Variants in RBM33 observed in about 807,000 individuals in gnomAD.
RBM33 encodes the protein RNA binding motif protein 33, also known as RNA-binding protein 33.
A neutral mutation model predicts 132.6 loss-of-function variants in RBM33; 28 were observed. The ratio of observed to expected loss-of-function variants is 0.21; its 90% CI spans 0.16 to 0.29. The LOEUF is 0.29. Ranked by LOEUF, RBM33 falls within the 10% of genes least tolerant of loss-of-function variation. The pLI, the probability that RBM33 is intolerant of heterozygous loss-of-function variation, is 1.00. For synonymous variants in RBM33, 634 were observed against 593.0 expected (o/e 1.07, Z -1.01); for missense variants, 1,291 against 1,518.5 (o/e 0.85, Z 2.49).
At chr7:155,765,285 TAGAAC>T (rs1338063955) in intron 15 of RBM33, among the ~76,000 whole-genome samples, 3 of 152,242 alleles carry the variant, frequency 2.0e-5, no homozygotes, top group Admixed American at 6.5e-5. Flanking sequence ...TTACTCTAGT[TAGAAC>T]AGAAGACTAG....
intron 1 of RBM33, among the ~76,000 whole-genome samples, chr7:155,650,008 A>G (rs1351869469): frequency 6.6e-6 from 1 of 152,118 alleles, no homozygotes; most frequent in Non-Finnish European, 1.5e-5. Flanking sequence ...TTCCCATTAT[A>G]CATGGGAGCC....
chr7:155,655,338 G>C lies in RBM33; in HGVS notation c.44-9837G>C, dbSNP rs77304628. Among the ~76,000 whole-genome samples the C allele has an allele frequency of 9.5e-3, 1,439 of 151,732 alleles. 24 individuals carry two copies. The highest frequency in any genetic ancestry group is 0.033 in the African/African-American group (1,364 of 41,284). On this transcript the variant is annotated intron_variant, in intron 1 of 17. Transcript: ENST00000401878. ...ACTTTTATTTGACCTCTCTGCTCTG[G>C]CTTTTTTTTGTTGGGCATTTGGTTT...
intron 9 of RBM33, among the ~76,000 whole-genome samples, chr7:155,727,390 C>G (rs1387827687): frequency 6.6e-6 from 1 of 152,268 alleles, no homozygotes; most frequent in East Asian, 1.9e-4. Flanking sequence ...AATTAGGGCT[C>G]TGTTACTAAG....
intron 5 of RBM33, among the ~76,000 whole-genome samples, chr7:155,695,246 T>A (rs185348672): frequency 2.6e-5 from 4 of 152,180 alleles, no homozygotes; most frequent in Non-Finnish European, 5.9e-5. Flanking sequence ...CTATATATGC[T>A]ATATATATCC....
chr7:155,645,254 C>T, intron 1 of RBM33: 1 of 269,500 alleles, frequency 3.7e-6, no homozygotes, highest in Non-Finnish European at 7.0e-6. Context: ...GCGCCCCCCC[C>T]ACCCCCCGAG....
intron 8 of RBM33, among the ~76,000 whole-genome samples, chr7:155,715,179 T>C (rs1800424463): frequency 1.3e-5 from 2 of 152,120 alleles, no homozygotes; most frequent in Non-Finnish European, 2.9e-5. Flanking sequence ...AATGGAGACA[T>C]GAACACACGC....
intron 11 of RBM33, 168 bp from the exon 12 acceptor site, chr7:155,739,547 T>C: frequency 1.5e-6 from 1 of 687,116 alleles, no homozygotes; most frequent in Non-Finnish European, 2.4e-6. Flanking sequence ...GCTTCTGGCT[T>C]ATTACTGCAT....
chr7:155,673,791 CACACA>C (rs1563138145), intron 3 of RBM33, among the ~76,000 whole-genome samples: 26 of 144,720 alleles, frequency 1.8e-4, no homozygotes, highest in African/African-American at 6.8e-4. Context: ...CACACACACA[CACACA>C]CACACCCCTA....
intron 7 of RBM33, among the ~76,000 whole-genome samples, chr7:155,709,537 A>G (rs1800216386): frequency 6.6e-6 from 1 of 151,966 alleles, no homozygotes; most frequent in East Asian, 1.9e-4. Flanking sequence ...CTGTCCCTGT[A>G]CCTCTCCAGA....
intron 1 of RBM33, among the ~76,000 whole-genome samples, chr7:155,649,050 A>G (rs1798283651): frequency 6.6e-6 from 1 of 152,054 alleles, no homozygotes; most frequent in Admixed American, 6.5e-5. Flanking sequence ...TCTTTCACCA[A>G]ATTTGGAAGC....
At chr7:155,703,681 T>TC (rs1456275354) in intron 6 of RBM33, among the ~76,000 whole-genome samples, 4 of 151,998 alleles carry the variant, frequency 2.6e-5, no homozygotes, top group Admixed American at 1.3e-4. Context: ...CTTCAGTACC[T>TC]CCCCCCAAAC....
At chr7:155,750,863 C>T (rs1408554074) in intron 14 of RBM33, among the ~76,000 whole-genome samples, 2 of 151,892 alleles carry the variant, frequency 1.3e-5, no homozygotes, top group East Asian at 3.9e-4. Context: ...GTAAACAGTC[C>T]TTTATTCTGT....
intron 14 of RBM33, among the ~76,000 whole-genome samples, chr7:155,750,014 C>T (rs1048904410): frequency 2.6e-5 from 4 of 152,066 alleles, no homozygotes; most frequent in Non-Finnish European, 5.9e-5. Flanking sequence ...ATTTTTTTCC[C>T]ACTCATTTTA....
chr7:155,706,079 G>C (rs1800103419), intron 6 of RBM33, among the ~76,000 whole-genome samples: 1 of 152,196 alleles, frequency 6.6e-6, no homozygotes, highest in Non-Finnish European at 1.5e-5. Context: ...TCGGGAATTT[G>C]TGTTCTTGCG....
chr7:155,739,700 C>A lies in RBM33; in HGVS notation c.1738-15C>A, dbSNP rs1176312730. On this transcript the variant is annotated splice_polypyrimidine_tract_variant and intron_variant, in intron 11 of 17. Coordinates refer to ENST00000401878, the MANE Select transcript of RBM33 (RefSeq NM_053043.3). ...CATTTATGAACTGTTGTTTCTCTTT[C>A]TTTGGAAATGGAAGGGGCCGTTGCA... 6.5e-7 allele frequency: 1 copy of A among 1,535,280 alleles called. No homozygotes were observed. Among genetic ancestry groups the A allele is most frequent in the Non-Finnish European group, 8.8e-7 (1 of 1,138,700 alleles).
chr7:155,714,251 A>AAGGGAAGGCAGTGCTGATAACG (rs1800394794), intron 8 of RBM33, among the ~76,000 whole-genome samples: 1 of 152,148 alleles, frequency 6.6e-6, no homozygotes, highest in Non-Finnish European at 1.5e-5. Flanking sequence ...CAAAGTAGTA[A>AAGGGAAGGCAGTGCTGATAACG]AGGGAAGGCA....
chr7:155,697,868 C>A (rs1023055787), intron 5 of RBM33, among the ~76,000 whole-genome samples: 1 of 152,084 alleles, frequency 6.6e-6, no homozygotes, highest in Non-Finnish European at 1.5e-5. Flanking sequence ...AAAAATAAAT[C>A]TTTCAGGTTT....
chr7:155,777,880 G>A lies in RBM33; in HGVS notation c.*2839G>A, dbSNP rs552084370. The A allele has an allele frequency of 1.2e-4, 19 of 152,728 alleles. No individual in the cohort carries two copies. Among genetic ancestry groups the A allele is most frequent in the African/African-American group, 4.6e-4 (19 of 41,558 alleles). 9.5% of individuals were successfully genotyped at this position (152,728 alleles called of 1,614,324 possible). ...GTTCACAAATTCAAGAAGCTTAAAG[G>A]TCGTAAATATCAGTATCTCATAAGG... On this transcript the variant is annotated 3_prime_UTR_variant, in exon 18 of 18. Transcript: ENST00000401878.
chr7:155,734,542 C>T (rs1801051709), intron 9 of RBM33, among the ~76,000 whole-genome samples: 1 of 152,134 alleles, frequency 6.6e-6, no homozygotes, highest in African/African-American at 2.4e-5. Flanking sequence ...CTTTTCACAA[C>T]TATTATCTTG....
Sources: gnomAD v4.1 joint callset for allele counts (sites outside exome capture counted in the v4.1 genomes callset) on GRCh38, gnomAD v4.1.1 for gene constraint, MANE v1.5 for transcripts, NCBI Gene and HGNC (gene_info 2026-07-23, HGNC 2026-07-21) for gene names.